The following SEC61B variants were observed in gnomAD, a reference collection of about 807,000 sequenced individuals.
SEC61B encodes protein transport protein Sec61 subunit beta.
Under a neutral mutation model 12.6 loss-of-function variants are expected in SEC61B, and 7 were observed. That is an observed-to-expected ratio of 0.55 (90% CI 0.32 to 1.04). The LOEUF (loss-of-function observed/expected upper bound fraction) is 1.04. Ranked by LOEUF, SEC61B falls within the 50% of genes least tolerant of loss-of-function variation. The pLI, the probability that SEC61B is intolerant of heterozygous loss-of-function variation, is 0.05. For missense variants in SEC61B, 107 were observed against 130.1 expected, an observed-to-expected ratio of 0.82 and a Z score of 0.86; for synonymous variants, 54 against 50.1, an observed-to-expected ratio of 1.08 and a Z score of -0.33.
chr9:99,227,698 T>C (rs1159494156), intron 2 of SEC61B, among the ~76,000 whole-genome samples: 1 of 152,204 alleles, frequency 6.6e-6, no homozygotes, highest in Non-Finnish European at 1.5e-5. Flanking sequence ...TCAGGGTTAT[T>C]GTATGCATTG....
chr9:99,222,694 A>C (rs1230942404), intron 2 of SEC61B, 51 bp downstream of exon 2: 2 of 1,266,862 alleles, frequency 1.6e-6, no homozygotes, highest in South Asian at 3.0e-5. Flanking sequence ...TAGGACCCAG[A>C]ACCTCGCTGA....
chr9:99,230,259 C>A lies in SEC61B; in HGVS notation c.204-78C>A, dbSNP rs946052685. The A allele has an allele frequency of 3.5e-6, 3 of 862,930 alleles. No homozygotes were observed. In the African/African-American group the frequency reaches 5.2e-5, roughly 15 times the overall value. The allele number at this position is 862,930 out of a possible 1,614,324, so 53.5% of individuals were successfully genotyped here. A position where few individuals can be genotyped will look rare whatever the true frequency, so the allele number is the denominator to read the frequency against. On this transcript the variant is annotated intron_variant, in intron 3 of 3. Coordinates refer to ENST00000223641, the MANE Select transcript of SEC61B (RefSeq NM_006808.3). ...CTGCCCACCTTACCTCTACTTTTCC[C>A]CTAGGCAATCTTTAGTATTGCAGAT...
chr9:99,228,040 C>T (rs1312262566), intron 3 of SEC61B, 40 bp downstream of exon 3: 10 of 1,458,374 alleles, frequency 6.9e-6, no homozygotes, highest in Non-Finnish European at 9.6e-6. Flanking sequence ...TGTCCAGTGG[C>T]AGCAGAGCAG....
At chr9:99,226,657 C>A (rs1410010897) in intron 2 of SEC61B, among the ~76,000 whole-genome samples, 1 of 152,140 alleles carries the variant, frequency 6.6e-6, no homozygotes, top group Non-Finnish European at 1.5e-5. Context: ...CATATTGTAC[C>A]ACTCCAACAT....
intron 2 of SEC61B, 98 bp downstream of exon 2, chr9:99,222,741 A>G (rs1000636995): frequency 3.6e-5 from 30 of 843,664 alleles, no homozygotes; most frequent in African/African-American, 2.4e-4. Flanking sequence ...AAGATTGACA[A>G]AGGCAAAATG....
At chr9:99,225,065 T>G (rs1828879150) in intron 2 of SEC61B, among the ~76,000 whole-genome samples, 1 of 152,150 alleles carries the variant, frequency 6.6e-6, no homozygotes, top group Non-Finnish European at 1.5e-5. Context: ...TCTAGCAGGA[T>G]TAATGGGAAT....
rs1828946904 is a variant in SEC61B at position 99,230,436 on chromosome 9, TC to T, written c.*14del. 9 of 1,553,540 alleles carry T rather than the reference TC, an allele frequency of 5.8e-6. 1 individual carries two copies. In the Admixed American group the frequency reaches 1.2e-4, roughly 21 times the overall value. ...ACACTCGTTCGTAGATTCAGTTACA[TC>T]CATCTGTCATCTGAAGAAGGAGGAA... is the stretch of plus-strand genomic sequence containing the variant. On this transcript the variant is annotated 3_prime_UTR_variant, in exon 4 of 4. Coordinates refer to ENST00000223641, the MANE Select transcript of SEC61B (RefSeq NM_006808.3).
At chr9:99,230,048 T>G (rs1410732985) in intron 3 of SEC61B, among the ~76,000 whole-genome samples, 2 of 152,236 alleles carry the variant, frequency 1.3e-5, no homozygotes, top group African/African-American at 4.8e-5. Context: ...GAAATTAGAT[T>G]AATGTCTCCA....
At chr9:99,223,578 A>G in intron 2 of SEC61B, among the ~76,000 whole-genome samples, 1 of 152,154 alleles carries the variant, frequency 6.6e-6, no homozygotes, top group African/African-American at 2.4e-5. Context: ...TATTTTTAGT[A>G]GAGACGGGGT....
chr9:99,223,117 TTTC>T (rs1176867850), intron 2 of SEC61B: 1 of 153,224 alleles, frequency 6.5e-6, no homozygotes, highest in Non-Finnish European at 1.5e-5. Context: ...ATCTTGGATT[TTTC>T]TTATGCTCTT....
intron 1 of SEC61B, 82 bp from the exon 2 acceptor site, chr9:99,222,464 G>A (rs1346603498): frequency 6.2e-7 from 1 of 1,604,300 alleles, no homozygotes; most frequent in Non-Finnish European, 8.5e-7. Flanking sequence ...GCTTCCCCCA[G>A]CCTCGGGTGT....
intron 2 of SEC61B, 134 bp downstream of exon 2, chr9:99,222,777 G>A (rs1828845870): frequency 3.1e-6 from 2 of 639,844 alleles, no homozygotes; most frequent in Non-Finnish European, 2.6e-6. Flanking sequence ...GGCCGTGGGA[G>A]TAGTTAAAGG....
intron 3 of SEC61B, 33 bp from the exon 4 acceptor site, chr9:99,230,304 A>G (rs763855273): frequency 8.5e-6 from 12 of 1,408,152 alleles, no homozygotes; most frequent in Non-Finnish European, 1.1e-5. Flanking sequence ...TATTATTACT[A>G]AAAGTAAGCA....
At chr9:99,227,031 G>T (rs181787685) in intron 2 of SEC61B, among the ~76,000 whole-genome samples, 1 of 152,104 alleles carries the variant, frequency 6.6e-6, no homozygotes, top group East Asian at 1.9e-4. Context: ...ACTTTGGGAG[G>T]CCAAAGCAGG....
chr9:99,229,783 CAG>C (rs1350119953), intron 3 of SEC61B, among the ~76,000 whole-genome samples: 2 of 152,086 alleles, frequency 1.3e-5, no homozygotes, highest in East Asian at 3.9e-4. Context: ...ATAATCATAT[CAG>C]GGTGTGTGGG....
chr9:99,222,396 C>T lies in SEC61B; in HGVS notation c.3+30C>T, dbSNP rs377162265. ...GGCGGCCCTTCCATGATCCCCGCCT[C>T]TCCCAGAAGCCCTGACTCCTCCTGC... On this transcript the variant is annotated intron_variant, in intron 1 of 3. Transcript: ENST00000223641. The T allele has an allele frequency of 2.5e-6, 4 of 1,614,034 alleles. No homozygotes were observed. The African/African-American group carries it at 5.3e-5, about 22-fold the overall frequency.
chr9:99,223,422 C>G (rs1828859861), intron 2 of SEC61B, among the ~76,000 whole-genome samples: 1 of 148,266 alleles, frequency 6.7e-6, no homozygotes, highest in Non-Finnish European at 1.5e-5. Flanking sequence ...GGGATGGAAT[C>G]TCACTCTGTC....
intron 2 of SEC61B, among the ~76,000 whole-genome samples, chr9:99,224,320 G>T (rs1017225320): frequency 7.2e-5 from 11 of 152,142 alleles, no homozygotes; most frequent in African/African-American, 2.7e-4. Flanking sequence ...ATCAGGCTGT[G>T]GTTTAACTTA....
Position 99,222,426 on chromosome 9 carries a change from C to T in SEC61B, c.3+60C>T, listed in dbSNP as rs7028416. The T allele has an allele frequency of 1.7e-3, 2,733 of 1,612,524 alleles. 37 individuals are homozygous for T. In the African/African-American group the frequency reaches 0.033, roughly 19 times the overall value. On this transcript the variant is annotated intron_variant, in intron 1 of 3. Transcript: ENST00000223641. ...AGAAGCCCTGACTCCTCCTGCTTTG[C>T]GCCGTGCTTTTCCTCTGTAGCTCCC...
Sources: allele counts gnomAD v4.1 joint callset (sites outside exome capture counted in the v4.1 genomes callset), GRCh38; gene constraint gnomAD v4.1.1; transcripts MANE v1.5; gene names NCBI Gene and HGNC (gene_info 2026-07-23, HGNC 2026-07-21).